The following GXYLT1 variants were observed in gnomAD, a reference collection of about 807,000 sequenced individuals.
GXYLT1 encodes the protein glycosyltransferase 8 domain containing 3.
Under a neutral mutation model 54.0 loss-of-function variants are expected in GXYLT1, and 29 were observed. That is an observed-to-expected ratio of 0.54 (90% CI 0.40 to 0.73). The LOEUF is 0.73. GXYLT1 is among the 30% of genes least tolerant of loss of function. The probability of loss-of-function intolerance (pLI) is 0.00; values close to 1 mark genes in which losing one functional copy is unlikely to be tolerated. For missense variants in GXYLT1, 490 were observed against 553.4 expected (o/e 0.89, Z 1.15); for synonymous variants, 176 against 204.1 (o/e 0.86, Z 1.17).
chr12:42,108,478 T>G (rs1177891320), intron 4 of GXYLT1, among the ~76,000 whole-genome samples: 6 of 152,160 alleles, frequency 3.9e-5, no homozygotes, highest in African/African-American at 1.4e-4. Context: ...CACTCACATA[T>G]TAATTAAATG....
Position 42,083,474 on chromosome 12 carries a change from T to G in GXYLT1, c.*4312A>C, listed in dbSNP as rs2065265366. 6.6e-6 allele frequency: 1 copy of G among 152,260 alleles called. No homozygotes were observed. Among genetic ancestry groups the G allele is most frequent in the Admixed American group, 6.5e-5 (1 of 15,288 alleles). 9.4% of individuals were successfully genotyped at this position (152,260 alleles called of 1,614,324 possible). Reference sequence around the variant, plus strand: ...ATAACTGGCCCCACACCTGACATATTGCACCCCTACTTTTCTTCTCTACTC... The same window carrying G: ...ATAACTGGCCCCACACCTGACATATGGCACCCCTACTTTTCTTCTCTACTC... On this transcript the variant is annotated 3_prime_UTR_variant, in exon 8 of 8. Transcript: ENST00000398675.
At position 42,141,578 on chromosome 12, in the gene GXYLT1, A is replaced by G. The variant is rs149795037; in HGVS notation, c.221+2848T>C. ...AAAAAACCCTATGTGAAGTGATGATATTAACTAGCTTAACTGTGATCATTT... is the reference window on the plus strand; with the variant it reads ...AAAAAACCCTATGTGAAGTGATGATGTTAACTAGCTTAACTGTGATCATTT... On this transcript the variant is annotated intron_variant, in intron 1 of 7. Transcript: ENST00000398675. 2.9e-3 allele frequency among the ~76,000 whole-genome samples: 435 copies of G among 152,206 alleles called. 3 individuals are homozygous for G. Among genetic ancestry groups the G allele is most frequent in the African/African-American group, 9.3e-3 (388 of 41,522 alleles).
intron 3 of GXYLT1, among the ~76,000 whole-genome samples, chr12:42,112,145 C>T (rs1014038272): frequency 1.2e-4 from 18 of 152,088 alleles, no homozygotes; most frequent in African/African-American, 4.3e-4. Flanking sequence ...CCCCTCTGTA[C>T]GTCACCATCA....
chr12:42,116,701 A>C (rs1468923402), intron 3 of GXYLT1, among the ~76,000 whole-genome samples: 3 of 152,234 alleles, frequency 2.0e-5, no homozygotes, highest in Non-Finnish European at 4.4e-5. Flanking sequence ...TAGTTCAGCC[A>C]TTGTGGAAGT....
chr12:42,119,716 G>A lies in GXYLT1; in HGVS notation c.315-545C>T, dbSNP rs768533922. On this transcript the variant is annotated intron_variant, in intron 2 of 7. Transcript: ENST00000398675. ...CCGGCTACTCAGGAGGCTGACATGG[G>A]AGGATATTTTGAGCCCAGAAGATAG... is the stretch of plus-strand genomic sequence containing the variant. 7.9e-5 allele frequency among the ~76,000 whole-genome samples: 12 copies of A among 152,080 alleles called. No homozygotes were observed. The South Asian group carries it at 2.1e-3, about 26-fold the overall frequency.
chr12:42,117,439 A>G lies in GXYLT1; in HGVS notation c.486+1561T>C, dbSNP rs549737878. Reference sequence around the variant, plus strand: ...CTTTTATACCTTTTAGTTTTCTGCCAAAAAGTATAAACGTTTTTGGCAGAA... The same window carrying G: ...CTTTTATACCTTTTAGTTTTCTGCCGAAAAGTATAAACGTTTTTGGCAGAA... On this transcript the variant is annotated intron_variant, in intron 3 of 7. Coordinates refer to ENST00000398675, the MANE Select transcript of GXYLT1 (RefSeq NM_173601.2). Among the ~76,000 whole-genome samples the G allele has an allele frequency of 2.2e-4, 33 of 152,186 alleles. 1 individual carries two copies. The Middle Eastern group carries it at 0.01, about 47-fold the overall frequency.
intron 7 of GXYLT1, among the ~76,000 whole-genome samples, chr12:42,091,255 A>C (rs1463413152): frequency 6.6e-6 from 1 of 152,120 alleles, no homozygotes; most frequent in African/African-American, 2.4e-5. Flanking sequence ...CACAGAAGAT[A>C]ATTAATCATC....
intron 3 of GXYLT1, among the ~76,000 whole-genome samples, chr12:42,110,819 C>T (rs2065448994): frequency 6.6e-6 from 1 of 152,210 alleles, no homozygotes; most frequent in Admixed American, 6.5e-5. Context: ...ATCTTAGTCA[C>T]TTTCATTTAA....
chr12:42,106,456 T>C (rs886851163), intron 4 of GXYLT1, among the ~76,000 whole-genome samples: 1 of 152,138 alleles, frequency 6.6e-6, no homozygotes, highest in Non-Finnish European at 1.5e-5. Context: ...AAATAAAGAT[T>C]TTCTGAACTT....
chr12:42,102,407 CAA>C (rs1488074515), intron 5 of GXYLT1, among the ~76,000 whole-genome samples: 12 of 152,318 alleles, frequency 7.9e-5, no homozygotes, highest in Non-Finnish European at 1.6e-4. Context: ...CTACTTCATA[CAA>C]AGTGTTCCCT....
chr12:42,141,085 A>G (rs1275631870), intron 1 of GXYLT1, among the ~76,000 whole-genome samples: 1 of 152,148 alleles, frequency 6.6e-6, no homozygotes, highest in Non-Finnish European at 1.5e-5. Context: ...AACACCAATC[A>G]TGTTATTCTG....
chr12:42,116,921 A>T (rs1327715663), intron 3 of GXYLT1, among the ~76,000 whole-genome samples: 1 of 152,148 alleles, frequency 6.6e-6, no homozygotes, highest in African/African-American at 2.4e-5. Flanking sequence ...AATGTGGCAT[A>T]TATACACCAT....
At chr12:42,093,129 C>T (rs1260310208) in intron 7 of GXYLT1, among the ~76,000 whole-genome samples, 1 of 152,208 alleles carries the variant, frequency 6.6e-6, no homozygotes, top group Non-Finnish European at 1.5e-5. Context: ...TGAAGTTTCG[C>T]TCCTTTTGCC....
chr12:42,115,100 T>A (rs1315241612), intron 3 of GXYLT1, among the ~76,000 whole-genome samples: 4 of 152,182 alleles, frequency 2.6e-5, no homozygotes, highest in Non-Finnish European at 5.9e-5. Context: ...CTAAAAACTC[T>A]CAATAAATTA....
intron 7 of GXYLT1, among the ~76,000 whole-genome samples, chr12:42,094,066 A>G (rs1056720248): frequency 9.2e-5 from 14 of 151,574 alleles, no homozygotes; most frequent in African/African-American, 3.4e-4. Flanking sequence ...AAAAAAAAAA[A>G]AGGGGGGTGT....
At chr12:42,133,123 A>G (rs1301578700) in intron 1 of GXYLT1, among the ~76,000 whole-genome samples, 1 of 152,150 alleles carries the variant, frequency 6.6e-6, no homozygotes, top group Non-Finnish European at 1.5e-5. Context: ...TCTCTAATAA[A>G]AAAAATCAGT....
chr12:42,104,614 C>T (rs933895275), intron 5 of GXYLT1, among the ~76,000 whole-genome samples: 10 of 151,656 alleles, frequency 6.6e-5, no homozygotes. Context: ...CAGGTAATAG[C>T]TGTCAGACTT....
chr12:42,144,668 T>TCGTCGCCGCCGCCGC lies in GXYLT1; in HGVS notation c.-23_-22insGCGGCGGCGGCGACG. ...GCATCGCCCCGGCCGCGCTCCTCCT[T>TCGTCGCCGCCGCCGC]CGCCGCCGCCGCCGCGCCCGCCCCG... On this transcript the variant is annotated 5_prime_UTR_variant, in exon 1 of 8. Transcript: ENST00000398675. The TCGTCGCCGCCGCCGC allele has an allele frequency of 7.2e-7, 1 of 1,380,352 alleles. No individual in the cohort carries two copies. Among genetic ancestry groups the TCGTCGCCGCCGCCGC allele is most frequent in the Middle Eastern group, 2.6e-4 (1 of 3,792 alleles). 85.5% of individuals were successfully genotyped at this position (1,380,352 alleles called of 1,614,324 possible).
At chr12:42,144,273 G>A (rs1488907653) in intron 1 of GXYLT1, among the ~76,000 whole-genome samples, 153 bp downstream of exon 1, 2 of 152,146 alleles carry the variant, frequency 1.3e-5, no homozygotes, top group Non-Finnish European at 2.9e-5. Flanking sequence ...TTTAGCCCCG[G>A]CCGGAGGGGA....
Sources: allele counts gnomAD v4.1 joint callset (sites outside exome capture counted in the v4.1 genomes callset), GRCh38; gene constraint gnomAD v4.1.1; transcripts MANE v1.5; gene names NCBI Gene and HGNC (gene_info 2026-07-23, HGNC 2026-07-21).